The following INSL6 variants were observed in gnomAD, a reference collection of about 807,000 sequenced individuals.
INSL6 encodes the protein insulin like 6, also known as insulin-like peptide INSL6.
In INSL6, 16 loss-of-function variants were observed where a neutral mutation model predicts 9.4. That is an observed-to-expected ratio of 1.70 (90% confidence interval 1.15 to 2.59). INSL6 has a LOEUF of 2.59. Among genes scored for constraint, INSL6 ranks in the 30% most tolerant of loss-of-function variants. The probability of loss-of-function intolerance (pLI) is 0.00; values close to 1 mark genes in which losing one functional copy is unlikely to be tolerated. For missense variants in INSL6, 391 were observed against 257.3 expected (o/e 1.52, Z -3.56); for synonymous variants, 154 against 96.9 (o/e 1.59, Z -3.46).
intron 1 of INSL6, among the ~76,000 whole-genome samples, chr9:5,168,788 C>A (rs1380113946): frequency 7.5e-6 from 1 of 133,676 alleles, no homozygotes; most frequent in African/African-American, 3.5e-5. Context: ...CATCAGTTCT[C>A]CAAGGTCAAA....
the INSL6 span, among the ~76,000 whole-genome samples, chr9:4,995,237 T>G: frequency 4.6e-5 from 7 of 152,368 alleles, no homozygotes; most frequent in Middle Eastern, 3.4e-3. Context: ...CCTTTTACTT[T>G]GCTTTGTGGG....
intron 2 of INSL6, among the ~76,000 whole-genome samples, chr9:5,146,379 C>G (rs1002511009): frequency 6.6e-6 from 1 of 152,152 alleles, no homozygotes; most frequent in African/African-American, 2.4e-5. Flanking sequence ...GCCTGCCTCC[C>G]TGCAGGCATT....
intron 1 of INSL6, among the ~76,000 whole-genome samples, chr9:5,167,109 G>T (rs1825072003): frequency 6.6e-6 from 1 of 152,130 alleles, no homozygotes; most frequent in African/African-American, 2.4e-5. Context: ...AGAGAGCAAG[G>T]AAAAGCACAG....
the INSL6 span, among the ~76,000 whole-genome samples, chr9:5,037,991 G>T: frequency 6.6e-6 from 1 of 152,046 alleles, no homozygotes; most frequent in African/African-American, 2.4e-5. Context: ...AATATATAGC[G>T]TCACTAGTTA....
At chr9:5,179,773 TGTAA>T (rs1825403744) in intron 1 of INSL6, among the ~76,000 whole-genome samples, 1 of 152,160 alleles carries the variant, frequency 6.6e-6, no homozygotes, top group Non-Finnish European at 1.5e-5. Flanking sequence ...TGTTCTCACT[TGTAA>T]GTGTGAACTG....
At chr9:5,134,560 A>G (rs537597865) in intron 2 of INSL6, among the ~76,000 whole-genome samples, 11 of 152,346 alleles carry the variant, frequency 7.2e-5, no homozygotes, top group Admixed American at 5.2e-4. Flanking sequence ...AAGAATTTTC[A>G]ACCCAGTATC....
chr9:5,114,306 CAGGCCAGTGGGA>C, the INSL6 span: 2 of 542,714 alleles, frequency 3.7e-6, no homozygotes, highest in Admixed American at 2.1e-5. Flanking sequence ...GACTTGGTCC[CAGGCCAGTGGGA>C]AGTCTGTGGC....
the INSL6 span, among the ~76,000 whole-genome samples, chr9:5,070,675 G>C: frequency 1.3e-5 from 2 of 152,016 alleles, no homozygotes; most frequent in African/African-American, 4.8e-5. Flanking sequence ...CCTTGCAGAT[G>C]CAGAACCCGC....
At chr9:5,114,192 ACC>A in the INSL6 span, 1 of 467,284 alleles carries the variant, frequency 2.1e-6, no homozygotes, top group South Asian at 1.9e-5. Context: ...AGGGGTGAGC[ACC>A]TACCTGAGCC....
chr9:5,066,398 C>G, the INSL6 span, among the ~76,000 whole-genome samples: 1 of 151,982 alleles, frequency 6.6e-6, no homozygotes, highest in Non-Finnish European at 1.5e-5. Context: ...AATCAGCAGG[C>G]AGAAAAATCA....
chr9:5,062,500 T>TAA, the INSL6 span, among the ~76,000 whole-genome samples: 1,123 of 57,952 alleles, frequency 0.019, 90 homozygotes, highest in Non-Finnish European at 0.025. Flanking sequence ...CTTCCATTTG[T>TAA]AAAAAAAAAA....
At chr9:5,152,235 A>ACC (rs1339667904) in intron 2 of INSL6, among the ~76,000 whole-genome samples, 1 of 152,218 alleles carries the variant, frequency 6.6e-6, no homozygotes, top group Non-Finnish European at 1.5e-5. Flanking sequence ...AACTAACTTT[A>ACC]CCTAACATCT....
chr9:5,142,417 G>C (rs1824519204), intron 2 of INSL6, among the ~76,000 whole-genome samples: 1 of 152,094 alleles, frequency 6.6e-6, no homozygotes, highest in Non-Finnish European at 1.5e-5. Context: ...TCTCCTTACA[G>C]AGATCTTTCA....
the INSL6 span, among the ~76,000 whole-genome samples, chr9:4,994,790 C>G: frequency 6.6e-6 from 1 of 152,076 alleles, no homozygotes; most frequent in Non-Finnish European, 1.5e-5. Context: ...AAGCTATGGC[C>G]CCATTTTTCA....
At chr9:5,099,531 C>T in the INSL6 span, 7 of 152,042 alleles carry the variant, frequency 4.6e-5, no homozygotes, top group African/African-American at 1.7e-4. Flanking sequence ...ATAATCAAAA[C>T]ACAAAAACAC....
chr9:5,007,178 C>G, the INSL6 span, among the ~76,000 whole-genome samples: 1 of 151,948 alleles, frequency 6.6e-6, no homozygotes. Flanking sequence ...GTTGCAACTT[C>G]TTGAAATGAA....
intron 1 of INSL6, among the ~76,000 whole-genome samples, chr9:5,168,320 G>C (rs924238957): frequency 6.6e-6 from 1 of 152,134 alleles, no homozygotes; most frequent in African/African-American, 2.4e-5. Context: ...AAGAAGCTAA[G>C]AACCATAATA....
At chr9:5,064,087 C>CAGAA in the INSL6 span, among the ~76,000 whole-genome samples, 1 of 152,234 alleles carries the variant, frequency 6.6e-6, no homozygotes, top group East Asian at 1.9e-4. Context: ...ACCCAGGAGG[C>CAGAA]AGAAGTTGCA....
the INSL6 span, among the ~76,000 whole-genome samples, chr9:5,035,237 A>G: frequency 6.6e-6 from 1 of 152,244 alleles, no homozygotes; most frequent in Non-Finnish European, 1.5e-5. Context: ...TGAGGCAATA[A>G]TTAATAGTTT....
Sources: gnomAD v4.1 joint callset for allele counts (sites outside exome capture counted in the v4.1 genomes callset) on GRCh38, gnomAD v4.1.1 for gene constraint, MANE v1.5 for transcripts, NCBI Gene and HGNC (gene_info 2026-07-23, HGNC 2026-07-21) for gene names.